Variants in HMCN1 observed in about 807,000 individuals in gnomAD.
The protein encoded by HMCN1 is hemicentin 1.
HMCN1 carries 321 observed loss-of-function variants against 625.9 expected under a neutral mutation model. The observed-to-expected ratio is 0.51, with a 90% CI of 0.47 to 0.56. HMCN1 has a LOEUF of 0.56. Among genes scored for constraint, HMCN1 ranks in the 20% least tolerant of loss-of-function variants. HMCN1 has a pLI of 0.00. For synonymous variants in HMCN1, 2,425 were observed against 2,417.6 expected, an observed-to-expected ratio of 1.00 and a Z score of -0.09; for missense variants, 6,588 against 6,887.3, an observed-to-expected ratio of 0.96 and a Z score of 1.54.
chr1:185,779,555 T>G (rs1217743449), intron 1 of HMCN1, among the ~76,000 whole-genome samples: 1 of 152,240 alleles, frequency 6.6e-6, no homozygotes, highest in Non-Finnish European at 1.5e-5. Flanking sequence ...AGTTTCAGCT[T>G]TCTACATATG....
At chr1:185,960,426 G>T (rs749918341) in intron 11 of HMCN1, among the ~76,000 whole-genome samples, 1 of 152,092 alleles carries the variant, frequency 6.6e-6, no homozygotes. Context: ...ACCATGCCCG[G>T]CAATCAGCAG....
intron 1 of HMCN1, among the ~76,000 whole-genome samples, chr1:185,837,392 T>C (rs1449185168): frequency 6.6e-6 from 1 of 152,102 alleles, no homozygotes; most frequent in Non-Finnish European, 1.5e-5. Context: ...GTTGTTTTTT[T>C]GCTATCTTTT....
chr1:185,890,169 T>C (rs1664963782), intron 4 of HMCN1, among the ~76,000 whole-genome samples: 1 of 150,568 alleles, frequency 6.6e-6, no homozygotes, highest in Admixed American at 6.6e-5. Context: ...CCCTTTATCA[T>C]TTTTTATTGC....
chr1:185,901,170 C>T (rs1218313292), intron 4 of HMCN1, among the ~76,000 whole-genome samples: 4 of 151,800 alleles, frequency 2.6e-5, no homozygotes, highest in African/African-American at 7.2e-5. Flanking sequence ...GCACCTTAAG[C>T]CAGGACGCAA....
chr1:185,922,281 C>G, intron 6 of HMCN1, 98 bp from the exon 7 acceptor site: 1 of 1,334,860 alleles, frequency 7.5e-7, no homozygotes, highest in Non-Finnish European at 1.1e-6. Flanking sequence ...GACATCGATC[C>G]TAATTAAATA....
chr1:185,923,775 A>G, intron 8 of HMCN1, 122 bp downstream of exon 8: 1 of 806,362 alleles, frequency 1.2e-6, no homozygotes, highest in Non-Finnish European at 2.1e-6. Context: ...TGCATCACCA[A>G]ATTGATGGAT....
chr1:185,794,955 T>C (rs890471712), intron 1 of HMCN1, among the ~76,000 whole-genome samples: 24 of 152,364 alleles, frequency 1.6e-4, no homozygotes, highest in East Asian at 9.6e-4. Context: ...TTTTGGAATA[T>C]TTACATCAGT....
intron 1 of HMCN1, among the ~76,000 whole-genome samples, chr1:185,764,600 G>C (rs1245071903): frequency 1.3e-5 from 2 of 151,972 alleles, no homozygotes. Context: ...CTTAAAAACA[G>C]GTAATATAAA....
intron 4 of HMCN1, among the ~76,000 whole-genome samples, chr1:185,872,045 G>C (rs556818290): frequency 6.6e-6 from 1 of 152,248 alleles, no homozygotes; most frequent in South Asian, 2.1e-4. Context: ...AATGTATCAG[G>C]GACAACTATA....
intron 87 of HMCN1, 105 bp downstream of exon 87, chr1:186,137,042 CT>C: frequency 7.5e-7 from 1 of 1,332,190 alleles, no homozygotes; most frequent in Non-Finnish European, 1.1e-6. Context: ...CCTTAACATA[CT>C]TTTAGATGAT....
intron 9 of HMCN1, among the ~76,000 whole-genome samples, chr1:185,925,450 T>C (rs1302464704): frequency 6.6e-6 from 1 of 152,168 alleles, no homozygotes; most frequent in Non-Finnish European, 1.5e-5. Flanking sequence ...TTATAGAATC[T>C]GAATGTTTTT....
intron 64 of HMCN1, 24 bp from the exon 65 acceptor site, chr1:186,093,110 C>G: frequency 1.2e-6 from 2 of 1,612,818 alleles, no homozygotes; most frequent in Non-Finnish European, 1.7e-6. Flanking sequence ...CATCTCAGCC[C>G]CTCTGTTATG....
At chr1:185,795,275 T>G (rs1281347175) in intron 1 of HMCN1, among the ~76,000 whole-genome samples, 2 of 152,220 alleles carry the variant, frequency 1.3e-5, no homozygotes, top group African/African-American at 4.8e-5. Context: ...ACCCAAATAT[T>G]TCAGTTTCCT....
intron 18 of HMCN1, among the ~76,000 whole-genome samples, chr1:185,982,877 T>C (rs1262334007): frequency 6.6e-6 from 1 of 152,192 alleles, no homozygotes; most frequent in Non-Finnish European, 1.5e-5. Flanking sequence ...GTTATTCATA[T>C]TATTTTGGCA....
intron 4 of HMCN1, among the ~76,000 whole-genome samples, chr1:185,901,738 C>A (rs1665818272): frequency 6.6e-6 from 1 of 151,684 alleles, no homozygotes; most frequent in Non-Finnish European, 1.5e-5. Context: ...GGGTTCAATA[C>A]ATGTGTATCT....
chr1:186,150,200 T>A (rs1413917910), intron 93 of HMCN1, among the ~76,000 whole-genome samples: 1 of 152,152 alleles, frequency 6.6e-6, no homozygotes, highest in Non-Finnish European at 1.5e-5. Flanking sequence ...TGCTTGTACA[T>A]AACAGTATCT....
intron 98 of HMCN1, among the ~76,000 whole-genome samples, chr1:186,165,926 A>G (rs1418232159): frequency 3.3e-5 from 5 of 152,262 alleles, no homozygotes; most frequent in Admixed American, 6.5e-5. Flanking sequence ...TTTAGAGCAC[A>G]GTAGATGATA....
At chr1:186,074,466 AT>A (rs1243841347) in intron 52 of HMCN1, among the ~76,000 whole-genome samples, 1 of 152,122 alleles carries the variant, frequency 6.6e-6, no homozygotes, top group Non-Finnish European at 1.5e-5. Context: ...AAGAACATAT[AT>A]TTATCATAAA....
chr1:186,068,155 C>A, intron 50 of HMCN1, 148 bp downstream of exon 50: 1 of 777,746 alleles, frequency 1.3e-6, no homozygotes. Flanking sequence ...AGGCCACAGG[C>A]TGGTCCCAGT....
Sources: gnomAD v4.1 joint callset for allele counts (sites outside exome capture counted in the v4.1 genomes callset) on GRCh38, gnomAD v4.1.1 for gene constraint, MANE v1.5 for transcripts, NCBI Gene and HGNC (gene_info 2026-07-23, HGNC 2026-07-21) for gene names.